Variants in MIR2052HG observed in about 807,000 individuals in gnomAD.
MIR2052HG encodes MIR2052 host gene.
chr8:74,701,433 A>G (rs918836782), intron 2 of MIR2052HG, among the ~76,000 whole-genome samples: 1 of 151,988 alleles, frequency 6.6e-6, no homozygotes, highest in African/African-American at 2.4e-5. Flanking sequence ...AGTCAATTGT[A>G]TATTCCTTCT....
intron 2 of MIR2052HG, among the ~76,000 whole-genome samples, chr8:74,685,393 C>G (rs1204709726): frequency 6.6e-6 from 1 of 152,084 alleles, no homozygotes; most frequent in African/African-American, 2.4e-5. Context: ...AAAGGGATCG[C>G]AGCTGGTTGC....
chr8:74,686,259 T>G (rs74795429), intron 2 of MIR2052HG, among the ~76,000 whole-genome samples: 7 of 152,014 alleles, frequency 4.6e-5, no homozygotes, highest in African/African-American at 1.7e-4. Flanking sequence ...GTCTCCCTAG[T>G]CTAATTCTGA....
chr8:74,735,611 G>A (rs1281791494), intron 4 of MIR2052HG, among the ~76,000 whole-genome samples: 1 of 152,208 alleles, frequency 6.6e-6, no homozygotes, highest in Non-Finnish European at 1.5e-5. Context: ...ACCCAATGGT[G>A]AAGTTTGACA....
intron 2 of MIR2052HG, among the ~76,000 whole-genome samples, chr8:74,670,306 G>C (rs1808977238): frequency 7.2e-6 from 1 of 139,146 alleles, no homozygotes. Context: ...CTTGGTGACT[G>C]TTGCCTCAAA....
rs190552938 is a variant in MIR2052HG at position 74,602,915 on chromosome 8, A to G, written n.128+3007A>G. Among the ~76,000 whole-genome samples, 6 of 108,444 alleles carry G rather than the reference A, an allele frequency of 5.5e-5. 1 individual carries two copies. The Admixed American group carries it at 5.9e-4, about 11-fold the overall frequency. 71.1% of individuals were successfully genotyped at this position (108,444 alleles called of 152,430 possible). On this transcript the variant is annotated intron_variant and non_coding_transcript_variant, in intron 1 of 6. Transcript: ENST00000523442. ...AGAAAAAGCTCCAGTCCATTTTTAA[A>G]TTTTTTTGAAAAATTCCTGACTTTA...
chr8:74,603,571 T>C (rs1808057671), intron 1 of MIR2052HG: 1 of 1,549,986 alleles, frequency 6.5e-7, no homozygotes, highest in Non-Finnish European at 8.9e-7. Flanking sequence ...AGTGTTGCCA[T>C]GCGTCATGGG....
intron 2 of MIR2052HG, among the ~76,000 whole-genome samples, chr8:74,685,488 T>C (rs36078170): frequency 6.6e-6 from 1 of 152,140 alleles, no homozygotes; most frequent in African/African-American, 2.4e-5. Context: ...CCATGTGTGG[T>C]TGGAATCTGG....
chr8:74,752,461 C>T (rs1809957747), exon 5 of MIR2052HG: 1 of 395,068 alleles, frequency 2.5e-6, no homozygotes, highest in Non-Finnish European at 5.2e-6. Flanking sequence ...AGTCCAGCCA[C>T]CAGATCAACA....
intron 2 of MIR2052HG, among the ~76,000 whole-genome samples, chr8:74,628,339 C>T (rs944443625): frequency 3.9e-5 from 6 of 151,986 alleles, no homozygotes; most frequent in Non-Finnish European, 5.9e-5. Flanking sequence ...ATAACTACCT[C>T]GAGAAATGAG....
chr8:74,643,472 C>T (rs565860727), intron 2 of MIR2052HG, among the ~76,000 whole-genome samples: 7 of 152,130 alleles, frequency 4.6e-5, no homozygotes, highest in East Asian at 1.9e-4. Flanking sequence ...TCCAGAAGTC[C>T]GGAGGTATAT....
intron 2 of MIR2052HG, among the ~76,000 whole-genome samples, chr8:74,697,723 A>T (rs1809313076): frequency 6.6e-6 from 1 of 152,022 alleles, no homozygotes; most frequent in African/African-American, 2.4e-5. Context: ...AACCTCTTTA[A>T]CAACAGCTGC....
chr8:74,606,141 C>T (rs371265316), intron 1 of MIR2052HG, among the ~76,000 whole-genome samples: 169 of 152,318 alleles, frequency 1.1e-3, no homozygotes, highest in East Asian at 9.4e-3. Context: ...GGCTTTAAGA[C>T]TATTACAAGG....
intron 4 of MIR2052HG, among the ~76,000 whole-genome samples, chr8:74,752,244 T>A (rs1046354151): frequency 2.0e-5 from 3 of 149,752 alleles, no homozygotes; most frequent in Admixed American, 6.7e-5. Flanking sequence ...ATCCCTCCAC[T>A]TTATTCCAGC....
chr8:74,721,793 A>G (rs1809580485), intron 4 of MIR2052HG, among the ~76,000 whole-genome samples: 1 of 152,176 alleles, frequency 6.6e-6, no homozygotes, highest in African/African-American at 2.4e-5. Context: ...ATTAGACTTC[A>G]CTTCTTAATG....
At chr8:74,622,607 A>T (rs1808377918) in intron 2 of MIR2052HG, among the ~76,000 whole-genome samples, 1 of 152,142 alleles carries the variant, frequency 6.6e-6, no homozygotes, top group Non-Finnish European at 1.5e-5. Context: ...CTGTCTCAAA[A>T]AATTAGAAAA....
At chr8:74,682,811 G>T (rs897197991) in intron 2 of MIR2052HG, among the ~76,000 whole-genome samples, 1 of 151,928 alleles carries the variant, frequency 6.6e-6, no homozygotes, top group Non-Finnish European at 1.5e-5. Flanking sequence ...ATGTATACAA[G>T]ATTTTTTAGT....
chr8:74,630,528 G>T (rs1452473136), intron 2 of MIR2052HG, among the ~76,000 whole-genome samples: 1 of 126,076 alleles, frequency 7.9e-6, no homozygotes. Flanking sequence ...AGATTTCTCT[G>T]AAAAAAAAAA....
Position 74,741,681 on chromosome 8 carries a change from C to T in MIR2052HG, n.372-10760C>T, listed in dbSNP as rs892062337. 1.5e-4 allele frequency among the ~76,000 whole-genome samples: 23 copies of T among 152,104 alleles called. 1 individual carries two copies. The highest frequency in any genetic ancestry group is 9.6e-4 in the East Asian group (5 of 5,188). ...TGTTCATTAATACTGAACTCACGGC[C>T]AACAGCAGTAGGACTCAAGCCTAAA... On this transcript the variant is annotated intron_variant and non_coding_transcript_variant, in intron 4 of 6. Transcript: ENST00000523442.
intron 2 of MIR2052HG, among the ~76,000 whole-genome samples, chr8:74,624,616 C>T (rs1280325009): frequency 1.3e-5 from 2 of 152,128 alleles, no homozygotes; most frequent in Non-Finnish European, 2.9e-5. Context: ...AGTATTTATC[C>T]ATTGACAAAA....
Sources: allele counts gnomAD v4.1 joint callset (sites outside exome capture counted in the v4.1 genomes callset), GRCh38; gene constraint gnomAD v4.1.1; transcripts MANE v1.5; gene names NCBI Gene and HGNC (gene_info 2026-07-23, HGNC 2026-07-21).